TRPM3: variants seen among roughly 807,000 people sequenced by gnomAD.
The protein encoded by TRPM3 is transient receptor potential cation channel subfamily M member 3.
In TRPM3, 77 loss-of-function variants were observed where a neutral mutation model predicts 181.2. The ratio of observed to expected loss-of-function variants is 0.42; its 90% CI spans 0.35 to 0.51. The LOEUF (loss-of-function observed/expected upper bound fraction) is 0.51, where lower values mean the gene tolerates loss of function less well. TRPM3 is among the 20% of genes least tolerant of loss of function. The pLI is 0.01. For missense variants in TRPM3, 1,759 were observed against 2,196.7 expected (o/e 0.80, Z 3.98); for synonymous variants, 745 against 796.4 (o/e 0.94, Z 1.09).
intron 1 of TRPM3, chr9:70,917,124 T>G: frequency 6.2e-7 from 1 of 1,604,820 alleles, no homozygotes; most frequent in East Asian, 2.2e-5. Flanking sequence ...TCCATAGGGG[T>G]TCGGATGAGT....
At chr9:71,123,022 TATGGTCATTTTCTTATCTC>T (rs2134406123), upstream of TRPM3, among the ~76,000 whole-genome samples, 1 of 152,302 alleles carries the variant, frequency 6.6e-6, no homozygotes, top group East Asian at 1.9e-4. Context: ...GAGTAGGTGT[TATGGTCATTTTCTTATCTC>T]ACAGATTAAG....
intron 7 of TRPM3, among the ~76,000 whole-genome samples, chr9:70,781,117 A>G (rs926615630): frequency 6.6e-6 from 1 of 152,008 alleles, no homozygotes; most frequent in African/African-American, 2.4e-5. Flanking sequence ...CGAGGTTAGG[A>G]GATCGAGACC....
chr9:71,432,381 A>G (rs1051138168), intron 1 of TRPM3, among the ~76,000 whole-genome samples: 1 of 107,798 alleles, frequency 9.3e-6, no homozygotes, highest in African/African-American at 3.8e-5. Context: ...ATACATTTTC[A>G]TGGCCTATTC....
chr9:70,954,169 G>A (rs2097038150), intron 1 of TRPM3, among the ~76,000 whole-genome samples: 1 of 152,170 alleles, frequency 6.6e-6, no homozygotes, highest in Non-Finnish European at 1.5e-5. Flanking sequence ...CTAGTGTTCT[G>A]TGAGGAAGTC....
At chr9:70,606,336 T>C (rs374972302) in intron 19 of TRPM3, among the ~76,000 whole-genome samples, 1 of 152,142 alleles carries the variant, frequency 6.6e-6, no homozygotes, top group East Asian at 1.9e-4. Context: ...TGTTCACACC[T>C]CTCTTCTTTT....
chr9:70,807,991 A>G (rs1482811493), intron 6 of TRPM3, among the ~76,000 whole-genome samples: 4 of 152,222 alleles, frequency 2.6e-5, no homozygotes. Flanking sequence ...AGACAAAACC[A>G]CATCCAGTAG....
intron 1 of TRPM3, among the ~76,000 whole-genome samples, chr9:71,104,626 CA>C (rs1306777294): frequency 6.6e-6 from 1 of 152,124 alleles, no homozygotes; most frequent in Non-Finnish European, 1.5e-5. Flanking sequence ...TCTTAGTCTC[CA>C]ACCACAATAG....
chr9:70,637,538 AT>A (rs898543369), intron 11 of TRPM3, among the ~76,000 whole-genome samples: 55 of 146,948 alleles, frequency 3.7e-4, no homozygotes, highest in African/African-American at 1.2e-3. Context: ...TTATTTATTT[AT>A]TTTTTTTAAT....
chr9:71,287,537 A>C (rs1401632965), intron 1 of TRPM3, among the ~76,000 whole-genome samples: 1 of 151,996 alleles, frequency 6.6e-6, no homozygotes, highest in Non-Finnish European at 1.5e-5. Flanking sequence ...GTAGGCTCTC[A>C]GTTTGGAGGG....
At chr9:70,564,164 C>G (rs549539809) in intron 22 of TRPM3, among the ~76,000 whole-genome samples, 11 of 152,298 alleles carry the variant, frequency 7.2e-5, no homozygotes, top group African/African-American at 1.7e-4. Flanking sequence ...CTTGCCTCAT[C>G]ATCATCATTA....
chr9:70,973,769 C>T (rs1404325961), intron 1 of TRPM3, among the ~76,000 whole-genome samples: 1 of 152,164 alleles, frequency 6.6e-6, no homozygotes, highest in Non-Finnish European at 1.5e-5. Flanking sequence ...TTCACACTAA[C>T]ATCAATGGAA....
chr9:71,328,766 C>T (rs2089904987), intron 1 of TRPM3, among the ~76,000 whole-genome samples: 1 of 152,174 alleles, frequency 6.6e-6, no homozygotes, highest in Non-Finnish European at 1.5e-5. Context: ...AATACAAAAG[C>T]TCCTTCAACT....
intron 6 of TRPM3, among the ~76,000 whole-genome samples, chr9:70,813,532 G>A (rs190887676): frequency 3.3e-5 from 5 of 151,962 alleles, no homozygotes; most frequent in African/African-American, 1.2e-4. Flanking sequence ...GGCAGGGGCT[G>A]AAAATCTTCC....
chr9:70,608,381 A>ATTTCAACGCT (rs35793473), intron 19 of TRPM3, among the ~76,000 whole-genome samples: 4 of 151,446 alleles, frequency 2.6e-5, no homozygotes, highest in Non-Finnish European at 4.4e-5. Flanking sequence ...TTCAAATTTT[A>ATTTCAACGCT]TTAAAAATGT....
chr9:70,776,526 A>G, intron 7 of TRPM3: 2 of 692,154 alleles, frequency 2.9e-6, no homozygotes, highest in East Asian at 2.8e-5. Flanking sequence ...CAAGGAAATA[A>G]GTAAACTGAA....
chr9:71,410,435 A>G (rs957699104), intron 1 of TRPM3, among the ~76,000 whole-genome samples: 1 of 152,148 alleles, frequency 6.6e-6, no homozygotes, highest in Non-Finnish European at 1.5e-5. Flanking sequence ...TATCACCACC[A>G]ATCCCACAGA....
chr9:71,107,130 T>C (rs7863366), intron 1 of TRPM3, among the ~76,000 whole-genome samples: 3,684 of 152,196 alleles, frequency 0.024, 131 homozygotes, highest in African/African-American at 0.076. Flanking sequence ...CAAAGCAGTA[T>C]ACATTATAAA....
intron 1 of TRPM3, chr9:70,917,092 T>C: frequency 6.2e-7 from 1 of 1,601,448 alleles, no homozygotes; most frequent in Non-Finnish European, 8.5e-7. Flanking sequence ...ACAGGTCCAC[T>C]TTCAGAGAGA....
intron 1 of TRPM3, among the ~76,000 whole-genome samples, chr9:70,984,585 C>T (rs7857162): frequency 0.14 from 21,296 of 152,082 alleles, 1,646 homozygotes; most frequent in East Asian, 0.21. Flanking sequence ...GGCCAGTGAC[C>T]AGAAAACAGA....
Sources: gnomAD v4.1 joint callset for allele counts (sites outside exome capture counted in the v4.1 genomes callset) on GRCh38, gnomAD v4.1.1 for gene constraint, MANE v1.5 for transcripts, NCBI Gene and HGNC (gene_info 2026-07-23, HGNC 2026-07-21) for gene names.